Variants in PZP observed in about 807,000 individuals in gnomAD.
PZP encodes pregnancy zone protein.
In PZP, 150 loss-of-function variants were observed where a neutral mutation model predicts 179.8. The ratio of observed to expected loss-of-function variants is 0.83; its 90% CI spans 0.73 to 0.96. PZP has a LOEUF of 0.96. Among genes scored for constraint, PZP ranks in the 40% least tolerant of loss-of-function variants. PZP has a pLI of 0.00. For synonymous variants in PZP, 624 were observed against 652.3 expected, an observed-to-expected ratio of 0.96 and a Z score of 0.66; for missense variants, 1,689 against 1,764.0, an observed-to-expected ratio of 0.96 and a Z score of 0.76.
chr12:9,161,085 C>T lies in PZP; in HGVS notation c.2820G>A (p.Lys940=), dbSNP rs527991221. 2.5e-6 allele frequency: 4 copies of T among 1,601,826 alleles called. No homozygotes were observed. Among genetic ancestry groups the T allele is most frequent in the South Asian group, 1.1e-5 (1 of 90,412 alleles). Reference sequence around the variant, plus strand: ...ATTCTTTGACCACATTTGATGGGAGCTTCAAGGACAACTGCTCAGACACAT... The same window carrying T: ...ATTCTTTGACCACATTTGATGGGAGTTTCAAGGACAACTGCTCAGACACAT... ...GANVSEQLSL[K]LPSNVVKESA... The change falls in exon 23 of 36, where the codon AAG becomes AAA. Residue 940 remains lysine (K), a synonymous_variant. Transcript: ENST00000261336.
At chr12:9,197,274 C>G (rs996694888) in intron 7 of PZP, 151 bp from the exon 8 acceptor site, 1 of 552,868 alleles carries the variant, frequency 1.8e-6, no homozygotes, top group African/African-American at 2.0e-5. Flanking sequence ...AAATGTCTCC[C>G]TCAAAAATAT....
intron 9 of PZP, 36 bp from the exon 10 acceptor site, chr12:9,196,475 A>T (rs1943780484): frequency 6.3e-7 from 1 of 1,575,400 alleles, no homozygotes; most frequent in Admixed American, 1.7e-5. Context: ...TTTAGAAGTT[A>T]CTTTAGTCAT....
chr12:9,189,228 A>C (rs1279630719), intron 13 of PZP, among the ~76,000 whole-genome samples: 1 of 152,216 alleles, frequency 6.6e-6, no homozygotes, highest in Non-Finnish European at 1.5e-5. Context: ...AGGAGGCATC[A>C]CACCACCCAA....
intron 11 of PZP, among the ~76,000 whole-genome samples, chr12:9,193,566 C>T (rs775267729): frequency 2.6e-5 from 4 of 152,100 alleles, no homozygotes; most frequent in Non-Finnish European, 4.4e-5. Context: ...TGAGTTAACA[C>T]GTGAAACTGA....
intron 17 of PZP, chr12:9,167,437 C>T (rs968696376): frequency 1.3e-5 from 2 of 152,172 alleles, no homozygotes; most frequent in African/African-American, 4.8e-5. Flanking sequence ...ATCTCCTGAT[C>T]CATGGGTTGC....
chr12:9,198,815 C>T (rs1943989402), intron 7 of PZP, among the ~76,000 whole-genome samples: 1 of 152,166 alleles, frequency 6.6e-6, no homozygotes, highest in African/African-American at 2.4e-5. Flanking sequence ...TAGATATCTG[C>T]ACTACGGCAC....
At chr12:9,142,626 C>T in the PZP span, among the ~76,000 whole-genome samples, 1 of 152,098 alleles carries the variant, frequency 6.6e-6, no homozygotes, top group Non-Finnish European at 1.5e-5. Context: ...CATTGCACAC[C>T]TAACACATAT....
At chr12:9,195,197 A>G (rs556106661) in intron 10 of PZP, among the ~76,000 whole-genome samples, 776 of 152,130 alleles carry the variant, frequency 5.1e-3, no homozygotes, top group Non-Finnish European at 9.3e-3. Flanking sequence ...AATCACATGT[A>G]CTCCCCAAAA....
At chr12:9,165,503 C>A in intron 18 of PZP, 136 bp from the exon 19 acceptor site, 1 of 963,214 alleles carries the variant, frequency 1.0e-6, no homozygotes, top group Non-Finnish European at 1.5e-6. Flanking sequence ...TTCGTGTGAA[C>A]ACTAGATTAT....
At chr12:9,205,723 T>A (rs1944411440) in intron 1 of PZP, among the ~76,000 whole-genome samples, 1 of 152,248 alleles carries the variant, frequency 6.6e-6, no homozygotes. Flanking sequence ...CTACCCTTAC[T>A]TTCCATTGCC....
downstream of PZP, among the ~76,000 whole-genome samples, chr12:9,144,659 A>C (rs982465634): frequency 3.9e-5 from 6 of 152,320 alleles, no homozygotes; most frequent in Admixed American, 3.9e-4. Flanking sequence ...AGAGTATTTA[A>C]GGGTTTTAGG....
chr12:9,183,036 C>G (rs1390796209), intron 13 of PZP, among the ~76,000 whole-genome samples: 4 of 152,052 alleles, frequency 2.6e-5, no homozygotes, highest in Non-Finnish European at 5.9e-5. Flanking sequence ...CAGAGTCTCT[C>G]GACATTGTTG....
chr12:9,183,734 G>A (rs1182050225), intron 13 of PZP, among the ~76,000 whole-genome samples: 2 of 152,114 alleles, frequency 1.3e-5, no homozygotes, highest in African/African-American at 2.4e-5. Flanking sequence ...TGAGATTGGT[G>A]GCACTCAATT....
In PZP at chr12:9,181,148, G is replaced by A. The variant is rs1276932330; in HGVS notation, c.1690-16C>T. 1.9e-6 allele frequency: 3 copies of A among 1,613,848 alleles called. No individual in the cohort carries two copies. The highest frequency in any genetic ancestry group is 2.5e-6 in the Non-Finnish European group (3 of 1,179,932). ...TCAAATCCACCTGTGGGAAATGAAG[G>A]AAACGTCAACCAGTGTTTTCCCTAC... On this transcript the variant is annotated splice_polypyrimidine_tract_variant and intron_variant, in intron 14 of 35. Coordinates refer to ENST00000261336, the MANE Select transcript of PZP (RefSeq NM_002864.3).
chr12:9,194,507 C>T (rs997485652), intron 10 of PZP, among the ~76,000 whole-genome samples: 2 of 143,752 alleles, frequency 1.4e-5, no homozygotes, highest in Non-Finnish European at 1.5e-5. Context: ...CTCTGTCGCC[C>T]AGGCTGGAGT....
At position 9,201,006 on chromosome 12, in the gene PZP, T is replaced by A; in HGVS notation, c.556A>T (p.Ile186Phe). The change falls in exon 6 of 36, where the codon ATC (isoleucine) becomes TTC (phenylalanine). Residue 186 changes from isoleucine (I) to phenylalanine (F), a missense_variant. Physicochemically the swap from Ile to Phe is conservative, Grantham distance 21. This residue lies in a region of PZP where 742 missense variants were observed against 730.5 expected (regional missense o/e 1.02). Transcript: ENST00000261336. Reference sequence around the variant, plus strand: ...GAGAGGGGAAAGGACAACTGATTGATGCCAGCTTCTAGCTTGAGACTCTGC... The same window carrying A: ...GAGAGGGGAAAGGACAACTGATTGAAGCCAGCTTCTAGCTTGAGACTCTGC... ...QWQSLKLEAG[I>F]NQLSFPLSSE... The A allele has an allele frequency of 6.2e-7, 1 of 1,614,124 alleles. No homozygotes were observed. Among genetic ancestry groups the A allele is most frequent in the Non-Finnish European group, 8.5e-7 (1 of 1,179,982 alleles).
intron 13 of PZP, among the ~76,000 whole-genome samples, chr12:9,189,631 A>G (rs1565655733): frequency 6.6e-6 from 1 of 152,238 alleles, no homozygotes; most frequent in Non-Finnish European, 1.5e-5. Context: ...AAATGCAAAC[A>G]TTGACAAATG....
chr12:9,202,299 C>A lies in PZP; in HGVS notation c.480+20G>T. ...TTCCCACTCTACCCACAACCCAAACCACAGATAGTGGATGCTTACCAGTTC... is the reference window on the plus strand; with the variant it reads ...TTCCCACTCTACCCACAACCCAAACAACAGATAGTGGATGCTTACCAGTTC... On this transcript the variant is annotated intron_variant, in intron 4 of 35. Coordinates refer to ENST00000261336, the MANE Select transcript of PZP (RefSeq NM_002864.3). 1 of 1,605,512 alleles carries A rather than the reference C, an allele frequency of 6.2e-7. No homozygotes were observed. The highest frequency in any genetic ancestry group is 8.5e-7 in the Non-Finnish European group (1 of 1,172,226).
chr12:9,158,049 C>T (rs1940892508), intron 26 of PZP, among the ~76,000 whole-genome samples: 1 of 152,190 alleles, frequency 6.6e-6, no homozygotes, highest in Non-Finnish European at 1.5e-5. Flanking sequence ...CTCCTAGGCT[C>T]AAGCAATTTT....
Sources: gnomAD v4.1 joint callset for allele counts (sites outside exome capture counted in the v4.1 genomes callset) on GRCh38, gnomAD v4.1.1 for gene constraint, gnomAD v4.1.1 regional missense constraint, MANE v1.5 for transcripts, NCBI Gene and HGNC (gene_info 2026-07-23, HGNC 2026-07-21) for gene names.